Variants in EHMT1 observed in about 807,000 individuals in gnomAD.
The protein encoded by EHMT1 is euchromatic histone lysine methyltransferase 1.
A neutral mutation model predicts 147.2 loss-of-function variants in EHMT1; 15 were observed. The ratio of observed to expected loss-of-function variants is 0.10; its 90% CI spans 0.07 to 0.16. The LOEUF is 0.16. EHMT1 is among the 10% of genes least tolerant of loss of function. The pLI is 1.00. For synonymous variants in EHMT1, 795 were observed against 709.6 expected, an observed-to-expected ratio of 1.12 and a Z score of -1.91; for missense variants, 1,587 against 1,772.4, an observed-to-expected ratio of 0.90 and a Z score of 1.88.
intron 3 of EHMT1, among the ~76,000 whole-genome samples, chr9:137,724,329 C>CA (rs1267747907): frequency 6.6e-6 from 1 of 152,134 alleles, no homozygotes; most frequent in African/African-American, 2.4e-5. Flanking sequence ...CCCGCCCCCA[C>CA]AGGAGGGAAG....
rs576922979 is a variant in EHMT1 at position 137,633,855 on chromosome 9, CT to C, written c.21+14808del. On this transcript the variant is annotated intron_variant, in intron 1 of 26. Transcript: ENST00000460843. ...TTTTTTTTTTTGAGACAGTCTCGCT[CT>C]TGTCGCCTAGGCTGGAGTGCAATCT... is the stretch of plus-strand genomic sequence containing the variant. 1.4e-4 allele frequency among the ~76,000 whole-genome samples: 21 copies of C among 147,032 alleles called. No homozygotes were observed. The East Asian group carries it at 3.7e-3, about 26-fold the overall frequency.
At position 137,732,354 on chromosome 9, in the gene EHMT1, G is replaced by A. The variant is rs111961677; in HGVS notation, c.823+3825G>A. ...CAGCCCTTTTTGCACCCGCTGTTGC[G>A]TGGGTCCCGAGTTCTTGTCTTGGGT... On this transcript the variant is annotated intron_variant, in intron 4 of 26. Transcript: ENST00000460843. This position sits in a 1 kb window ranked among gnomAD's most constrained non-coding sequence, Gnocchi z 4.6. Among the ~76,000 whole-genome samples, 16 of 152,242 alleles carry A rather than the reference G, an allele frequency of 1.1e-4. No homozygotes were observed. The highest frequency in any genetic ancestry group is 2.4e-4 in the African/African-American group (10 of 41,462).
intron 18 of EHMT1, among the ~76,000 whole-genome samples, chr9:137,804,230 G>A (rs1338029220): frequency 6.6e-6 from 1 of 152,204 alleles, no homozygotes; most frequent in Non-Finnish European, 1.5e-5. Flanking sequence ...TGGGGACACA[G>A]AGCCAACCCA....
chr9:137,791,044 C>G, intron 16 of EHMT1, 74 bp downstream of exon 16: 1 of 1,612,602 alleles, frequency 6.2e-7, no homozygotes, highest in Non-Finnish European at 8.5e-7. Context: ...AAGGGACATC[C>G]TTACTGACAT....
chr9:137,829,985 T>C (rs1956079849), intron 25 of EHMT1, among the ~76,000 whole-genome samples: 1 of 152,250 alleles, frequency 6.6e-6, no homozygotes, highest in African/African-American at 2.4e-5. Flanking sequence ...AGATCAATGC[T>C]TTATTCTTAC....
At chr9:137,742,191 G>A (rs983636506) in intron 4 of EHMT1, among the ~76,000 whole-genome samples, 1 of 152,054 alleles carries the variant, frequency 6.6e-6, no homozygotes, top group Non-Finnish European at 1.5e-5. Context: ...GCCCCGCGGC[G>A]TCTGTGGGTG....
At chr9:137,676,712 T>C (rs990181452) in intron 1 of EHMT1, among the ~76,000 whole-genome samples, 4 of 152,108 alleles carry the variant, frequency 2.6e-5, no homozygotes, top group African/African-American at 9.6e-5. Context: ...GTGGGGGAAG[T>C]GGGTGGAGCC....
chr9:137,785,290 G>T (rs1303666874), intron 15 of EHMT1: 1 of 153,686 alleles, frequency 6.5e-6, no homozygotes, highest in African/African-American at 2.4e-5. Context: ...TGGGGGAATG[G>T]ACCAGACAGG....
intron 1 of EHMT1, among the ~76,000 whole-genome samples, chr9:137,660,547 A>T (rs887770324): frequency 6.6e-6 from 1 of 152,078 alleles, no homozygotes; most frequent in African/African-American, 2.4e-5. Flanking sequence ...ATTTTTGGCC[A>T]CTTATTCTTC....
intron 6 of EHMT1, chr9:137,746,077 A>G (rs1948521049): frequency 6.6e-6 from 1 of 152,364 alleles, no homozygotes; most frequent in Non-Finnish European, 1.5e-5. Flanking sequence ...TCCAGTATGA[A>G]TGGAGGTTTT....
chr9:137,797,352 T>A (rs1221780599), intron 16 of EHMT1, among the ~76,000 whole-genome samples: 1 of 152,090 alleles, frequency 6.6e-6, no homozygotes, highest in African/African-American at 2.4e-5. Context: ...ACTCTGCCGC[T>A]CCCAGCCCTG....
At chr9:137,814,214 C>G (rs1389243723) in intron 21 of EHMT1, 1 of 641,014 alleles carries the variant, frequency 1.6e-6, no homozygotes, top group Middle Eastern at 2.6e-4. Context: ...CCCCCTGTCC[C>G]TCTGTCAGGG....
chr9:137,821,252 C>G (rs1564825046), intron 25 of EHMT1, among the ~76,000 whole-genome samples: 1 of 150,296 alleles, frequency 6.7e-6, no homozygotes, highest in Non-Finnish European at 1.5e-5. Context: ...ATCTCCTGAC[C>G]TCATGATCCA....
chr9:137,747,706 T>C (rs1035970333), intron 6 of EHMT1: 3 of 152,222 alleles, frequency 2.0e-5, no homozygotes, highest in Non-Finnish European at 2.9e-5. Context: ...ATTGCATGTA[T>C]GACAACGGTA....
chr9:137,673,908 C>G (rs1050237811), intron 1 of EHMT1, among the ~76,000 whole-genome samples: 3 of 152,192 alleles, frequency 2.0e-5, no homozygotes, highest in African/African-American at 7.2e-5. Flanking sequence ...ACCTGAGAGT[C>G]TGTGGGTCCC....
At chr9:137,788,155 T>TC in intron 15 of EHMT1, 2 of 887,948 alleles carry the variant, frequency 2.3e-6, no homozygotes, top group South Asian at 4.1e-5. Flanking sequence ...GTCACTGCCT[T>TC]CTCCCCACTG....
intron 18 of EHMT1, chr9:137,803,146 G>C (rs1438130863): frequency 1.6e-6 from 2 of 1,227,548 alleles, no homozygotes; most frequent in African/African-American, 3.1e-5. Context: ...GATGCTGGTG[G>C]CTGTTCCCCC....
chr9:137,706,915 C>G (rs193148055), intron 1 of EHMT1, among the ~76,000 whole-genome samples: 54 of 151,994 alleles, frequency 3.6e-4, no homozygotes, highest in Admixed American at 3.1e-3. Context: ...TCCGCCCCCG[C>G]CCAGGTTAAA....
chr9:137,747,135 A>C (rs1453303770), intron 6 of EHMT1: 1 of 152,230 alleles, frequency 6.6e-6, no homozygotes, highest in East Asian at 1.9e-4. Context: ...GAAGTCACCT[A>C]AATCCTAAAT....
Sources: allele counts gnomAD v4.1 joint callset (sites outside exome capture counted in the v4.1 genomes callset), GRCh38; gene constraint gnomAD v4.1.1; non-coding constraint Gnocchi (gnomAD v3.1); transcripts MANE v1.5; gene names NCBI Gene and HGNC (gene_info 2026-07-23, HGNC 2026-07-21).